STYXL2: variants seen among roughly 807,000 people sequenced by gnomAD.
STYXL2 encodes serine/threonine/tyrosine interacting like 2.
A neutral mutation model predicts 52.4 loss-of-function variants in STYXL2; 44 were observed. The observed-to-expected ratio is 0.84, with a 90% CI of 0.66 to 1.08. The LOEUF is 1.08. STYXL2 is among the 50% of genes least tolerant of loss of function. The pLI, the probability that STYXL2 is intolerant of heterozygous loss-of-function variation, is 0.00. For synonymous variants in STYXL2, 604 were observed against 586.9 expected (o/e 1.03, Z -0.42); for missense variants, 1,604 against 1,471.7 (o/e 1.09, Z -1.47).
chr1:167,111,509 T>TAC (rs1359223404), intron 2 of STYXL2, among the ~76,000 whole-genome samples: 22 of 48,430 alleles, frequency 4.5e-4, no homozygotes, highest in Non-Finnish European at 4.8e-4. Flanking sequence ...TATATATATA[T>TAC]ATATACACAC....
At position 167,128,173 on chromosome 1, in the gene STYXL2, G is replaced by A. The variant is rs372750584; in HGVS notation, c.3042G>A (p.Glu1014=). ...GGTTCTCATCTTCCTCCACCAGGGA[G>A]GGCAGAGAGATGCACAAGTTCTCCA... ...TSRFSSSSTR[E]GREMHKFSRS... Residue 1014 remains glutamate (E), a synonymous_variant, in exon 6 of 6, where the codon GAG becomes GAA. Transcript: ENST00000361200. 8.1e-6 allele frequency: 13 copies of A among 1,614,226 alleles called. No homozygotes were observed. Among genetic ancestry groups the A allele is most frequent in the Non-Finnish European group, 5.9e-6 (7 of 1,180,044 alleles).
At chr1:167,122,030 CGCCGG>C (rs1667866538) in intron 5 of STYXL2, among the ~76,000 whole-genome samples, 1 of 152,060 alleles carries the variant, frequency 6.6e-6, no homozygotes, top group Non-Finnish European at 1.5e-5. Context: ...AAACACCTGG[CGCCGG>C]CGTTTTACAT....
At chr1:167,102,026 C>A (rs554137968) in intron 2 of STYXL2, among the ~76,000 whole-genome samples, 1 of 152,194 alleles carries the variant, frequency 6.6e-6, no homozygotes, top group East Asian at 1.9e-4. Context: ...AATAATTACA[C>A]TGCTTGAAAG....
intron 2 of STYXL2, among the ~76,000 whole-genome samples, chr1:167,111,513 T>TATATATATATACACAC (rs1211215448): frequency 2.0e-5 from 1 of 50,114 alleles, no homozygotes; most frequent in African/African-American, 1.2e-4. Flanking sequence ...TATATATATA[T>TATATATATATACACAC]ACACACACAC....
Position 167,119,366 on chromosome 1 carries a change from G to A in STYXL2, c.555G>A (p.Gln185=). The change falls in exon 5 of 6, where the codon CAG becomes CAA. Residue 185 remains glutamine, a synonymous_variant. Coordinates refer to ENST00000361200, the MANE Select transcript of STYXL2 (RefSeq NM_001080426.3). ...AATTCTACACTGGCCTGGAGATCCA[G>A]TACCTGGGTGTAGAGGTGGATGACT... The part of the protein sequence containing the change: ...GPEFYTGLEI[Q]YLGVEVDDFP... 1 of 1,614,246 alleles carries A rather than the reference G, an allele frequency of 6.2e-7. No homozygotes were observed. Among genetic ancestry groups the A allele is most frequent in the Non-Finnish European group, 8.5e-7 (1 of 1,180,024 alleles).
At position 167,125,973 on chromosome 1, in the gene STYXL2, A is replaced by G. The variant is rs201805593; in HGVS notation, c.842A>G (p.Glu281Gly). The G allele has an allele frequency of 6.2e-7, 1 of 1,613,392 alleles. No homozygotes were observed. Among genetic ancestry groups the G allele is most frequent in the Non-Finnish European group, 8.5e-7 (1 of 1,179,828 alleles). Reference sequence around the variant, plus strand: ...GAGCTCAATGAGAAGTTGATGGAGGAGAGAGAAGAGGACTATGGCCGGGAG... The same window carrying G: ...GAGCTCAATGAGAAGTTGATGGAGGGGAGAGAAGAGGACTATGGCCGGGAG... Reference protein sequence around the residue: ...LRELNEKLMEEREEDYGREGG... With the variant: ...LRELNEKLMEGREEDYGREGG... The change falls in exon 6 of 6, where the codon GAG (glutamate) becomes GGG (glycine). Residue 281 changes from glutamate (E) to glycine (G), a missense_variant. Glu to Gly is a moderately conservative substitution (Grantham distance 98). Coordinates refer to ENST00000361200, the MANE Select transcript of STYXL2 (RefSeq NM_001080426.3).
At chr1:167,106,716 G>A (rs1667511971) in intron 2 of STYXL2, among the ~76,000 whole-genome samples, 1 of 152,066 alleles carries the variant, frequency 6.6e-6, no homozygotes, top group South Asian at 2.1e-4. Flanking sequence ...CTGAACCCTT[G>A]GAGCTCAGAA....
chr1:167,121,359 G>T (rs954152861), intron 5 of STYXL2, among the ~76,000 whole-genome samples: 3 of 152,226 alleles, frequency 2.0e-5, no homozygotes, highest in Non-Finnish European at 4.4e-5. Flanking sequence ...ACGTGGGATT[G>T]AATGGGTCTG....
At chr1:167,109,285 TGGGGCAAGATCTCATCCCTGC>T (rs1485337468) in intron 2 of STYXL2, among the ~76,000 whole-genome samples, 1 of 152,200 alleles carries the variant, frequency 6.6e-6, no homozygotes, top group Non-Finnish European at 1.5e-5. Context: ...GCTTATAGCC[TGGGGCAAGATCTCATCCCTGC>T]TTACCGGCTG....
chr1:167,098,909 A>G (rs1164189500), intron 2 of STYXL2, among the ~76,000 whole-genome samples: 1 of 152,210 alleles, frequency 6.6e-6, no homozygotes, highest in Non-Finnish European at 1.5e-5. Flanking sequence ...GTTACATAGC[A>G]CCACTTCTGC....
intron 2 of STYXL2, among the ~76,000 whole-genome samples, chr1:167,111,452 A>G (rs1384167430): frequency 7.0e-6 from 1 of 142,884 alleles, no homozygotes; most frequent in African/African-American, 2.5e-5. Flanking sequence ...CAACAAGTGG[A>G]TAAGGAAAAT....
Position 167,117,373 on chromosome 1 carries a change from T to C in STYXL2, c.251T>C (p.Met84Thr), listed in dbSNP as rs760655250. Reference sequence around the variant, plus strand: ...AGAGCAGACGCAGAGTGTCCAGGCATGCTGGAGTCTGCTGAACAGCTGCTG... The same window carrying C: ...AGAGCAGACGCAGAGTGTCCAGGCACGCTGGAGTCTGCTGAACAGCTGCTG... ...GVRADAECPGMLESAEQLLVE... is the reference protein window; with the variant it reads ...GVRADAECPGTLESAEQLLVE... The change falls in exon 4 of 6, where the codon ATG becomes ACG. Residue 84 changes from methionine to threonine, a missense_variant. Transcript: ENST00000361200. 6.2e-7 allele frequency: 1 copy of C among 1,612,432 alleles called. No homozygotes were observed. Among genetic ancestry groups the C allele is most frequent in the South Asian group, 1.1e-5 (1 of 90,560 alleles).
Position 167,125,792 on chromosome 1 carries a change from G to A in STYXL2, c.661G>A (p.Val221Ile). The A allele has an allele frequency of 1.3e-6, 2 of 1,595,410 alleles. No individual in the cohort carries two copies. Among genetic ancestry groups the A allele is most frequent in the East Asian group, 4.5e-5 (2 of 44,420 alleles). ...CTCTTGTGTTTTCATTTCAGGGAAA[G>A]TCCTGGTCAGCAGCGAAATGGGCAT... ...DEALLTYRGK[V>I]LVSSEMGISR... The change falls in exon 6 of 6, where the codon GTC becomes ATC. Residue 221 changes from valine to isoleucine, a missense_variant. Transcript: ENST00000361200.
Position 167,125,977 on chromosome 1 carries a change from A to G in STYXL2, c.846A>G (p.Arg282=). 1 of 1,613,302 alleles carries G rather than the reference A, an allele frequency of 6.2e-7. No individual in the cohort carries two copies. The highest frequency in any genetic ancestry group is 1.7e-5 in the Admixed American group (1 of 59,952). The change falls in exon 6 of 6, where the codon AGA becomes AGG. Residue 282 remains arginine, a synonymous_variant. Coordinates refer to ENST00000361200, the MANE Select transcript of STYXL2 (RefSeq NM_001080426.3). ...RELNEKLMEE[R]EEDYGREGGS... is the part of the protein sequence containing the mutation. ...TCAATGAGAAGTTGATGGAGGAGAG[A>G]GAAGAGGACTATGGCCGGGAGGGGG... is the stretch of plus-strand genomic sequence containing the variant.
intron 5 of STYXL2, among the ~76,000 whole-genome samples, chr1:167,124,961 A>G (rs979099016): frequency 6.6e-6 from 1 of 152,072 alleles, no homozygotes; most frequent in East Asian, 1.9e-4. Flanking sequence ...AAAAAAAAAA[A>G]AAAACCCTGA....
In STYXL2 at chr1:167,128,248, C is replaced by A. The variant is rs1668019226; in HGVS notation, c.3117C>A (p.Pro1039=). 1.9e-6 allele frequency: 3 copies of A among 1,614,180 alleles called. No homozygotes were observed. The highest frequency in any genetic ancestry group is 2.5e-6 in the Non-Finnish European group (3 of 1,180,034). The change falls in exon 6 of 6, where the codon CCC becomes CCA. Residue 1039 remains proline, a synonymous_variant. Coordinates refer to ENST00000361200, the MANE Select transcript of STYXL2 (RefSeq NM_001080426.3). ...GTTCCCGAGAGGAGAGCCCAGAGCC[C>A]TACTTCTTCCGCCGGACCCCAGAGT... ...TSSSREESPE[P]YFFRRTPESS...
chr1:167,099,327 G>A (rs2102221248), intron 2 of STYXL2, among the ~76,000 whole-genome samples: 1 of 151,978 alleles, frequency 6.6e-6, no homozygotes, highest in Non-Finnish European at 1.5e-5. Flanking sequence ...AGAATATTTG[G>A]ATAAAACAAT....
At chr1:167,117,119 A>G (rs1295772971) in intron 3 of STYXL2, among the ~76,000 whole-genome samples, 1 of 152,200 alleles carries the variant, frequency 6.6e-6, no homozygotes, top group Non-Finnish European at 1.5e-5. Flanking sequence ...ACATCTATAC[A>G]GTCTTCTTGC....
chr1:167,127,023 A>G lies in STYXL2; in HGVS notation c.1892A>G (p.Glu631Gly), dbSNP rs1435895363. 1 of 1,606,766 alleles carries G rather than the reference A, an allele frequency of 6.2e-7. No individual in the cohort carries two copies. The highest frequency in any genetic ancestry group is 1.1e-5 in the South Asian group (1 of 90,046). ...AGACAACGGAGGCTGGAGCTGCTGG[A>G]GAGAAGCCGGCAGACGCTGGAGGAG... Reference protein sequence around the residue: ...KKRQRRLELLERSRQTLEESQ... With the variant: ...KKRQRRLELLGRSRQTLEESQ... The change falls in exon 6 of 6, where the codon GAG (glutamate) becomes GGG (glycine). Residue 631 changes from glutamate (E) to glycine (G), a missense_variant. Coordinates refer to ENST00000361200, the MANE Select transcript of STYXL2 (RefSeq NM_001080426.3).
Sources: allele counts gnomAD v4.1 joint callset (sites outside exome capture counted in the v4.1 genomes callset), GRCh38; gene constraint gnomAD v4.1.1; transcripts MANE v1.5; gene names NCBI Gene and HGNC (gene_info 2026-07-23, HGNC 2026-07-21).